Variants in SGCD observed in about 807,000 individuals in gnomAD.
SGCD encodes the protein delta-sarcoglycan.
A neutral mutation model predicts 36.6 loss-of-function variants in SGCD; 18 were observed. The observed-to-expected ratio is 0.49, with a 90% CI of 0.34 to 0.73. The LOEUF (loss-of-function observed/expected upper bound fraction) is 0.73, where lower values mean the gene tolerates loss of function less well. SGCD is among the 30% of genes least tolerant of loss of function. The pLI is 0.01. For synonymous variants in SGCD, 133 were observed against 130.6 expected, an observed-to-expected ratio of 1.02 and a Z score of -0.12; for missense variants, 387 against 346.7, an observed-to-expected ratio of 1.12 and a Z score of -0.92.
chr5:155,883,624 A>G (rs765233912), intron 1 of SGCD, among the ~76,000 whole-genome samples: 1 of 152,076 alleles, frequency 6.6e-6, no homozygotes, highest in Non-Finnish European at 1.5e-5. Context: ...TAGTAACATC[A>G]AAGATCCCGG....
At chr5:155,877,529 G>A (rs867228875) in intron 1 of SGCD, among the ~76,000 whole-genome samples, 1 of 152,042 alleles carries the variant, frequency 6.6e-6, no homozygotes, top group African/African-American at 2.4e-5. Context: ...AGTTAAAGAG[G>A]TTATGACAGT....
intron 1 of SGCD, among the ~76,000 whole-genome samples, chr5:155,907,102 AT>A (rs1043642036): frequency 2.0e-5 from 3 of 146,662 alleles, no homozygotes; most frequent in African/African-American, 7.4e-5. Flanking sequence ...ATGATGCAAA[AT>A]CTACTCTGCC....
intron 6 of SGCD, among the ~76,000 whole-genome samples, chr5:156,626,603 C>G (rs933499748): frequency 6.6e-6 from 1 of 152,138 alleles, no homozygotes; most frequent in Non-Finnish European, 1.5e-5. Flanking sequence ...CTTGGTGCAG[C>G]ATAACTTTTG....
intron 5 of SGCD, among the ~76,000 whole-genome samples, chr5:156,593,773 C>G (rs73299137): frequency 0.036 from 5,421 of 152,206 alleles, 322 homozygotes; most frequent in African/African-American, 0.12. Context: ...AGGTGTGTTC[C>G]TAGTGGTCTT....
At chr5:156,030,548 A>T (rs1759324136) in intron 1 of SGCD, among the ~76,000 whole-genome samples, 1 of 152,216 alleles carries the variant, frequency 6.6e-6, no homozygotes, top group South Asian at 2.1e-4. Context: ...ACTGTGAGAA[A>T]ATAAAGTTCT....
chr5:156,341,856 C>A (rs1207804516), intron 2 of SGCD, among the ~76,000 whole-genome samples: 1 of 152,148 alleles, frequency 6.6e-6, no homozygotes, highest in Non-Finnish European at 1.5e-5. Flanking sequence ...GGATTACAGG[C>A]ACCTGCCACC....
chr5:155,794,158 A>G, the SGCD span, among the ~76,000 whole-genome samples: 2 of 152,328 alleles, frequency 1.3e-5, no homozygotes, highest in South Asian at 2.1e-4. Context: ...GAGCATTACT[A>G]CAAGTTCAGT....
intron 1 of SGCD, among the ~76,000 whole-genome samples, chr5:156,019,619 A>G (rs139388159): frequency 1.2e-3 from 187 of 152,320 alleles, no homozygotes; most frequent in Non-Finnish European, 2.1e-3. Flanking sequence ...TTTCATATGA[A>G]AGCAGCATAC....
intron 3 of SGCD, among the ~76,000 whole-genome samples, chr5:156,300,795 A>G (rs1767033803): frequency 6.6e-6 from 1 of 151,984 alleles, no homozygotes; most frequent in East Asian, 1.9e-4. Flanking sequence ...TGAGCGCTCC[A>G]TTCTTGGGTG....
chr5:155,774,325 C>G, the SGCD span, among the ~76,000 whole-genome samples: 1 of 152,146 alleles, frequency 6.6e-6, no homozygotes, highest in African/African-American at 2.4e-5. Flanking sequence ...ACTTTGGTAA[C>G]ATTCTTTCCC....
chr5:156,729,367 T>C (rs751838236), intron 7 of SGCD, among the ~76,000 whole-genome samples: 68 of 152,192 alleles, frequency 4.5e-4, no homozygotes, highest in Non-Finnish European at 6.9e-4. Context: ...CCGGTGAAAA[T>C]CTCCCACGTG....
At chr5:156,034,523 G>A (rs112764875) in intron 1 of SGCD, among the ~76,000 whole-genome samples, 3 of 152,130 alleles carry the variant, frequency 2.0e-5, no homozygotes, top group Non-Finnish European at 1.5e-5. Context: ...CTAACCATCC[G>A]TAGTTCATAT....
chr5:156,639,628 C>G (rs1327895143), intron 6 of SGCD, among the ~76,000 whole-genome samples: 1 of 152,154 alleles, frequency 6.6e-6, no homozygotes, highest in African/African-American at 2.4e-5. Flanking sequence ...ATTCTTGTGC[C>G]CACAACAGTC....
intron 7 of SGCD, among the ~76,000 whole-genome samples, chr5:156,648,283 G>A (rs1425608286): frequency 7.0e-6 from 1 of 143,748 alleles, no homozygotes; most frequent in Non-Finnish European, 1.5e-5. Context: ...TTCATTTCTG[G>A]TAGTTCTTTT....
upstream of SGCD, among the ~76,000 whole-genome samples, chr5:156,323,558 G>A (rs554595790): frequency 3.6e-5 from 5 of 138,436 alleles, no homozygotes; most frequent in South Asian, 2.3e-4. Context: ...AAAAATGGCA[G>A]AAAATGAAGT....
chr5:156,399,058 T>C (rs1285923607), intron 3 of SGCD, among the ~76,000 whole-genome samples: 1 of 152,236 alleles, frequency 6.6e-6, no homozygotes, highest in East Asian at 1.9e-4. Context: ...ATATGAGTTT[T>C]CATGTGATTT....
At chr5:156,224,826 A>C (rs188299153) in intron 3 of SGCD, among the ~76,000 whole-genome samples, 1 of 152,166 alleles carries the variant, frequency 6.6e-6, no homozygotes, top group Admixed American at 6.6e-5. Flanking sequence ...ACATGCATTT[A>C]GTCTATAGCC....
At position 156,687,750 on chromosome 5, in the gene SGCD, A is replaced by G. The variant is rs183651704; in HGVS notation, c.575+40214A>G. Among the ~76,000 whole-genome samples, 110 of 152,308 alleles carry G rather than the reference A, an allele frequency of 7.2e-4. 3 individuals carry two copies. In the East Asian group the frequency reaches 0.019, roughly 26 times the overall value. ...ATATGAACCCAATGCTGGTTGCAGC[A>G]CAAGAAAAACATGCCATTTACTTAG... On this transcript the variant is annotated intron_variant, in intron 7 of 8. Coordinates refer to ENST00000337851, the MANE Select transcript of SGCD (RefSeq NM_000337.6).
chr5:155,748,067 C>T, the SGCD span, among the ~76,000 whole-genome samples: 4 of 152,066 alleles, frequency 2.6e-5, no homozygotes, highest in African/African-American at 9.7e-5. Flanking sequence ...TCTTATACCA[C>T]ACTCCAACTC....
Sources: gnomAD v4.1 joint callset for allele counts (sites outside exome capture counted in the v4.1 genomes callset) on GRCh38, gnomAD v4.1.1 for gene constraint, MANE v1.5 for transcripts, NCBI Gene and HGNC (gene_info 2026-07-23, HGNC 2026-07-21) for gene names.